CACNA2D2: variants seen among roughly 807,000 people sequenced by gnomAD.
CACNA2D2 encodes the protein calcium voltage-gated channel auxiliary subunit alpha2delta 2.
Under a neutral mutation model 166.4 loss-of-function variants are expected in CACNA2D2, and 48 were observed. The observed-to-expected ratio is 0.29, with a 90% CI of 0.23 to 0.37. The LOEUF (loss-of-function observed/expected upper bound fraction) is 0.37. CACNA2D2 is among the 10% of genes least tolerant of loss of function. The pLI is 1.00. For missense variants in CACNA2D2, 1,122 were observed against 1,433.0 expected, an observed-to-expected ratio of 0.78 and a Z score of 3.50; for synonymous variants, 561 against 573.7, an observed-to-expected ratio of 0.98 and a Z score of 0.32.
intron 3 of CACNA2D2, among the ~76,000 whole-genome samples, chr3:50,410,489 G>GGC (rs1553739149): frequency 9.2e-5 from 14 of 151,980 alleles, no homozygotes; most frequent in Admixed American, 5.2e-4. Context: ...ATGGGGGGGG[G>GGC]GGTGTTGTCT....
intron 4 of CACNA2D2, among the ~76,000 whole-genome samples, chr3:50,393,440 G>T (rs149460694): frequency 1.1e-4 from 16 of 152,376 alleles, no homozygotes; most frequent in Non-Finnish European, 1.5e-4. Flanking sequence ...CCGAGGGCCG[G>T]TATCCAGCCC....
At chr3:50,400,131 A>G (rs566955500) in intron 3 of CACNA2D2, among the ~76,000 whole-genome samples, 3 of 152,364 alleles carry the variant, frequency 2.0e-5, no homozygotes, top group Non-Finnish European at 4.4e-5. Flanking sequence ...AATAATATAC[A>G]TATTTAAAAC....
rs552531826 is a variant in CACNA2D2 at position 50,496,144 on chromosome 3, G to A, written c.206+7074C>T. ...GCCCTGGCATTAACCTCAAAGGCAG[G>A]TGGTGAAGGTGGGCACTAGGAGCCC... is the stretch of plus-strand genomic sequence containing the variant. On this transcript the variant is annotated intron_variant, in intron 1 of 37. Coordinates refer to ENST00000424201, the MANE Select transcript of CACNA2D2 (RefSeq NM_006030.4). Among the ~76,000 whole-genome samples, 57 of 152,352 alleles carry A rather than the reference G, an allele frequency of 3.7e-4. No individual in the cohort carries two copies. The South Asian group carries it at 5.8e-3, about 15-fold the overall frequency.
intron 2 of CACNA2D2, among the ~76,000 whole-genome samples, chr3:50,441,074 G>T (rs1325694376): frequency 6.6e-6 from 1 of 151,994 alleles, no homozygotes; most frequent in African/African-American, 2.4e-5. Flanking sequence ...AGAAGCTGGG[G>T]AGACAGGGTG....
Position 50,408,646 on chromosome 3 carries a change from G to C in CACNA2D2, c.406-14478C>G, listed in dbSNP as rs550186901. Among the ~76,000 whole-genome samples the C allele has an allele frequency of 2.4e-4, 36 of 152,348 alleles. No homozygotes were observed. In the East Asian group the frequency reaches 6.9e-3, roughly 29 times the overall value. ...GAGCCGTGGTGACAACATTTAAGGC[G>C]TTTGTCAGAGCCGTGGGACACGGAC... On this transcript the variant is annotated intron_variant, in intron 3 of 37. Transcript: ENST00000424201.
At chr3:50,418,831 G>C (rs558727915) in intron 3 of CACNA2D2, among the ~76,000 whole-genome samples, 6 of 152,386 alleles carry the variant, frequency 3.9e-5, no homozygotes, top group South Asian at 2.1e-4. Flanking sequence ...CTCCCTCACA[G>C]CTGGGGCATG....
intron 3 of CACNA2D2, among the ~76,000 whole-genome samples, chr3:50,399,648 T>A (rs1004373132): frequency 6.6e-6 from 1 of 152,130 alleles, no homozygotes; most frequent in Non-Finnish European, 1.5e-5. Context: ...TCCCCTCCTT[T>A]CACAGCCGAG....
chr3:50,372,718 G>A (rs61689858), intron 22 of CACNA2D2, among the ~76,000 whole-genome samples: 4,780 of 152,280 alleles, frequency 0.031, 255 homozygotes, highest in African/African-American at 0.11. Context: ...GGGAGGTGGT[G>A]GAGAAGCGTC....
chr3:50,391,317 G>A (rs1705875622), intron 4 of CACNA2D2, among the ~76,000 whole-genome samples: 1 of 152,180 alleles, frequency 6.6e-6, no homozygotes, highest in Non-Finnish European at 1.5e-5. Flanking sequence ...AGGCCCTGGG[G>A]CCAATGGCCA....
At chr3:50,394,845 GCAGGCCTGGTC>G (rs1357765139) in intron 3 of CACNA2D2, among the ~76,000 whole-genome samples, 2 of 152,254 alleles carry the variant, frequency 1.3e-5, no homozygotes, top group African/African-American at 4.8e-5. Flanking sequence ...TGGAGGTGTG[GCAGGCCTGGTC>G]CTGCCTCTTG....
chr3:50,470,790 A>G (rs1710048210), intron 2 of CACNA2D2, among the ~76,000 whole-genome samples: 1 of 151,816 alleles, frequency 6.6e-6, no homozygotes, highest in South Asian at 2.1e-4. Flanking sequence ...TGGGGGGGAC[A>G]CAGAGGGGGT....
At chr3:50,471,035 C>G (rs772997755) in intron 2 of CACNA2D2, among the ~76,000 whole-genome samples, 3 of 152,160 alleles carry the variant, frequency 2.0e-5, no homozygotes, top group Non-Finnish European at 4.4e-5. Flanking sequence ...CAATCCCTAT[C>G]CAGCGGCATA....
At chr3:50,462,260 G>A (rs945031443) in intron 2 of CACNA2D2, among the ~76,000 whole-genome samples, 2 of 152,048 alleles carry the variant, frequency 1.3e-5, no homozygotes, top group South Asian at 2.1e-4. Context: ...GTGGTGGTGC[G>A]TGCCTGAATT....
intron 2 of CACNA2D2, among the ~76,000 whole-genome samples, chr3:50,451,341 G>T (rs1333231564): frequency 6.6e-6 from 1 of 152,036 alleles, no homozygotes; most frequent in Non-Finnish European, 1.5e-5. Flanking sequence ...GGCCAGGCTG[G>T]TCTTGAACTC....
At chr3:50,368,977 C>CGCTT (rs1704503995) in intron 23 of CACNA2D2, among the ~76,000 whole-genome samples, 1 of 152,206 alleles carries the variant, frequency 6.6e-6, no homozygotes. Flanking sequence ...CACCAGGGAC[C>CGCTT]GCTTCATTGT....
Position 50,367,177 on chromosome 3 carries a change from T to C in CACNA2D2, c.2402-68A>G. 1 of 1,256,980 alleles carries C rather than the reference T, an allele frequency of 8.0e-7. No homozygotes were observed. The highest frequency in any genetic ancestry group is 1.1e-6 in the Non-Finnish European group (1 of 870,868). 77.9% of individuals were successfully genotyped at this position (1,256,980 alleles called of 1,614,324 possible). A position where few individuals can be genotyped will look rare whatever the true frequency, so the allele number is the denominator to read the frequency against. ...ACACTGACCACTCTATGCTGGGTCC[T>C]ACAAACCCAGCAGTCCAATCCCGGG... On this transcript the variant is annotated intron_variant, in intron 27 of 37. Transcript: ENST00000424201. This position sits in a 1 kb window ranked among gnomAD's most constrained non-coding sequence, Gnocchi z 6.5.
chr3:50,499,506 A>G (rs1698866460), intron 1 of CACNA2D2, among the ~76,000 whole-genome samples: 1 of 152,202 alleles, frequency 6.6e-6, no homozygotes, highest in Admixed American at 6.5e-5. Context: ...AATTGTGGAA[A>G]CTAAGGCAAG....
chr3:50,414,753 T>C (rs1054883276), intron 3 of CACNA2D2, among the ~76,000 whole-genome samples: 10 of 152,228 alleles, frequency 6.6e-5, no homozygotes, highest in African/African-American at 2.2e-4. Flanking sequence ...AGCGAGCTCC[T>C]ATGAAATTGC....
chr3:50,423,650 C>A (rs573391483), intron 3 of CACNA2D2, among the ~76,000 whole-genome samples: 3 of 152,378 alleles, frequency 2.0e-5, no homozygotes, highest in South Asian at 4.1e-4. Flanking sequence ...ATCTCCGTAA[C>A]TGGGCTCCAG....
Sources: gnomAD v4.1 joint callset for allele counts (sites outside exome capture counted in the v4.1 genomes callset) on GRCh38, gnomAD v4.1.1 for gene constraint, Gnocchi (gnomAD v3.1) non-coding constraint, MANE v1.5 for transcripts, NCBI Gene and HGNC (gene_info 2026-07-23, HGNC 2026-07-21) for gene names.